Variants in RNF2 observed in about 807,000 individuals in gnomAD.
RNF2 encodes ring finger protein 2.
RNF2 carries 6 observed loss-of-function variants against 37.2 expected under a neutral mutation model. The observed-to-expected ratio is 0.16, with a 90% CI of 0.09 to 0.32. The LOEUF (loss-of-function observed/expected upper bound fraction) is 0.32. RNF2 is among the 10% of genes least tolerant of loss of function. The pLI is 1.00. For synonymous variants in RNF2, 133 were observed against 132.7 expected (o/e 1.00, Z -0.02); for missense variants, 251 against 404.0 (o/e 0.62, Z 3.25).
chr1:185,091,535 TAAA>T, intron 2 of RNF2, 41 bp from the exon 3 acceptor site: 9 of 1,590,968 alleles, frequency 5.7e-6, no homozygotes, highest in Non-Finnish European at 6.9e-6. Context: ...TTGTCCATAA[TAAA>T]AAATTAAGTA....
intron 1 of RNF2, among the ~76,000 whole-genome samples, chr1:185,060,781 C>T (rs1197538273): frequency 2.0e-5 from 3 of 152,008 alleles, no homozygotes; most frequent in Non-Finnish European, 2.9e-5. Flanking sequence ...GGAATGAGTA[C>T]CAGTGTAAGG....
chr1:185,050,858 T>A (rs1650249933), intron 1 of RNF2, among the ~76,000 whole-genome samples: 1 of 152,250 alleles, frequency 6.6e-6, no homozygotes, highest in South Asian at 2.1e-4. Context: ...CTCCTACTTC[T>A]TAGTATTTTA....
At chr1:185,057,961 CA>C (rs1394239315) in intron 1 of RNF2, among the ~76,000 whole-genome samples, 14 of 151,960 alleles carry the variant, frequency 9.2e-5, no homozygotes, top group Non-Finnish European at 2.1e-4. Flanking sequence ...CCTGTCTCTA[CA>C]AAAAATACAA....
intron 1 of RNF2, among the ~76,000 whole-genome samples, chr1:185,080,479 G>T (rs1651313044): frequency 6.6e-6 from 1 of 152,196 alleles, no homozygotes; most frequent in African/African-American, 2.4e-5. Context: ...TCAGTGACAT[G>T]TTCATAAGAA....
At chr1:185,056,231 T>C (rs1422415826) in intron 1 of RNF2, among the ~76,000 whole-genome samples, 1 of 152,154 alleles carries the variant, frequency 6.6e-6, no homozygotes, top group Admixed American at 6.5e-5. Context: ...ATTATTAATG[T>C]CAGTTTAATT....
chr1:185,100,177 T>G (rs775068909), intron 6 of RNF2, 23 bp from the exon 7 acceptor site: 1 of 1,534,598 alleles, frequency 6.5e-7, no homozygotes, highest in East Asian at 2.3e-5. Flanking sequence ...TTTTCATAAT[T>G]TTTTCTTTCT....
rs191745059 is a variant in RNF2, at chr1:185,093,718, A to G, written c.464+442A>G. On this transcript the variant is annotated intron_variant, in intron 4 of 6. Coordinates refer to ENST00000367510, the MANE Select transcript of RNF2 (RefSeq NM_007212.4). ...TTAATTTCTCCCTTCTCTTTGAATA[A>G]TTTTCTTCACCTGGCTTTCAGGAGG... Among the ~76,000 whole-genome samples the G allele has an allele frequency of 2.0e-4, 30 of 152,096 alleles. No individual in the cohort carries two copies. In the East Asian group the frequency reaches 5.6e-3, roughly 28 times the overall value.
At position 185,058,195 on chromosome 1, in the gene RNF2, TA is replaced by T. The variant is rs141508249; in HGVS notation, c.-3+12547del. ...TAGTTACATAGCATTTATATTGTAT[TA>T]GGTAGTATAGGTAATCTAGAGATGA... is the stretch of plus-strand genomic sequence containing the variant. On this transcript the variant is annotated intron_variant, in intron 1 of 6. Coordinates refer to ENST00000367510, the MANE Select transcript of RNF2 (RefSeq NM_007212.4). Among the ~76,000 whole-genome samples the T allele has an allele frequency of 3.5e-3, 528 of 152,316 alleles. 27 individuals are homozygous for T. The East Asian group carries it at 0.085, about 24-fold the overall frequency.
intron 1 of RNF2, among the ~76,000 whole-genome samples, chr1:185,059,563 G>T (rs1316500539): frequency 6.6e-6 from 1 of 152,050 alleles, no homozygotes; most frequent in African/African-American, 2.4e-5. Flanking sequence ...TATATTTAAC[G>T]ACTGGAAAAG....
rs1158792678 is a variant in RNF2 at position 185,076,679 on chromosome 1, AT to A, written c.-2-10863del. On this transcript the variant is annotated intron_variant, in intron 1 of 6. Transcript: ENST00000367510. ...TCTGATTTATTTGAAAAGGGTTTAA[AT>A]TTTTTTTTTGTCATCCCTGATTTTA... 1.8e-4 allele frequency among the ~76,000 whole-genome samples: 27 copies of A among 148,102 alleles called. No individual in the cohort carries two copies. In the East Asian group the frequency reaches 2.4e-3, roughly 13 times the overall value.
chr1:185,051,530 T>C (rs1650272700), intron 1 of RNF2, among the ~76,000 whole-genome samples: 1 of 152,178 alleles, frequency 6.6e-6, no homozygotes, highest in Non-Finnish European at 1.5e-5. Flanking sequence ...GGGGTGTATG[T>C]GAAGAAAAAA....
intron 1 of RNF2, among the ~76,000 whole-genome samples, chr1:185,059,043 C>G (rs544572600): frequency 6.6e-6 from 1 of 152,274 alleles, no homozygotes; most frequent in South Asian, 2.1e-4. Flanking sequence ...TTCCTGGTCC[C>G]TGGCTTTCTT....
At chr1:185,049,054 C>T (rs1231922293) in intron 1 of RNF2, among the ~76,000 whole-genome samples, 4 of 152,122 alleles carry the variant, frequency 2.6e-5, no homozygotes, top group African/African-American at 7.2e-5. Context: ...GGTGAAACTC[C>T]GTCTCTACTA....
chr1:185,085,397 A>G (rs549968281), intron 1 of RNF2, among the ~76,000 whole-genome samples: 2 of 151,598 alleles, frequency 1.3e-5, no homozygotes, highest in East Asian at 3.9e-4. Flanking sequence ...CGGCCTCCCA[A>G]AGTGCTGAGA....
intron 1 of RNF2, among the ~76,000 whole-genome samples, chr1:185,077,321 CCTCT>C (rs60334821): frequency 1.3e-5 from 2 of 151,978 alleles, no homozygotes; most frequent in African/African-American, 2.4e-5. Context: ...TCTCTCCCTC[CCTCT>C]CTATTTTTTT....
chr1:185,081,378 G>A (rs1171108412), intron 1 of RNF2, among the ~76,000 whole-genome samples: 1 of 148,890 alleles, frequency 6.7e-6, no homozygotes, highest in Non-Finnish European at 1.5e-5. Context: ...AGGCAAAACT[G>A]TAGCCTAATT....
intron 4 of RNF2, among the ~76,000 whole-genome samples, chr1:185,094,232 C>T (rs1651850414): frequency 6.6e-6 from 1 of 152,024 alleles, no homozygotes; most frequent in Non-Finnish European, 1.5e-5. Flanking sequence ...ACCTCTGCCT[C>T]CTGGGTTTCC....
chr1:185,094,906 T>C (rs1323317859), intron 4 of RNF2, among the ~76,000 whole-genome samples: 1 of 152,222 alleles, frequency 6.6e-6, no homozygotes, highest in East Asian at 1.9e-4. Context: ...TCACCTTGGC[T>C]GAACATCAGA....
intron 2 of RNF2, among the ~76,000 whole-genome samples, chr1:185,088,800 G>A (rs1197708667): frequency 6.6e-6 from 1 of 152,152 alleles, no homozygotes; most frequent in Non-Finnish European, 1.5e-5. Context: ...GTGCTAATAA[G>A]TACTATGTTG....
Sources: allele counts gnomAD v4.1 joint callset (sites outside exome capture counted in the v4.1 genomes callset), GRCh38; gene constraint gnomAD v4.1.1; transcripts MANE v1.5; gene names NCBI Gene and HGNC (gene_info 2026-07-23, HGNC 2026-07-21).